Variants in ARHGEF28 observed in about 807,000 individuals in gnomAD.
ARHGEF28 encodes the protein Rho guanine nucleotide exchange factor 28, also known as 190 kDa guanine nucleotide exchange factor.
Under a neutral mutation model 206.6 loss-of-function variants are expected in ARHGEF28, and 152 were observed. That is an observed-to-expected ratio of 0.74 (90% CI 0.64 to 0.84). ARHGEF28 has a LOEUF of 0.84. Ranked by LOEUF, ARHGEF28 falls within the 40% of genes least tolerant of loss-of-function variation. The pLI, the probability that ARHGEF28 is intolerant of heterozygous loss-of-function variation, is 0.00. For synonymous variants in ARHGEF28, 763 were observed against 776.4 expected (o/e 0.98, Z 0.29); for missense variants, 2,028 against 2,073.2 (o/e 0.98, Z 0.42).
intron 13 of ARHGEF28, among the ~76,000 whole-genome samples, chr5:73,851,922 T>G (rs1012270763): frequency 6.6e-6 from 1 of 152,204 alleles, no homozygotes; most frequent in Non-Finnish European, 1.5e-5. Flanking sequence ...TTCACTGTTC[T>G]GGATTGTGAG....
chr5:73,674,345 T>A (rs1429885371), intron 1 of ARHGEF28, among the ~76,000 whole-genome samples: 1 of 152,144 alleles, frequency 6.6e-6, no homozygotes, highest in Non-Finnish European at 1.5e-5. Flanking sequence ...ACAGAGAACA[T>A]GGGATGGGAT....
At chr5:73,760,469 C>T (rs1247508914) in intron 4 of ARHGEF28, among the ~76,000 whole-genome samples, 4 of 152,110 alleles carry the variant, frequency 2.6e-5, no homozygotes, top group Non-Finnish European at 5.9e-5. Flanking sequence ...ATGGGACAAA[C>T]ATCTCTACAC....
chr5:73,675,262 C>T (rs1746581584), intron 1 of ARHGEF28, among the ~76,000 whole-genome samples: 1 of 152,104 alleles, frequency 6.6e-6, no homozygotes, highest in Admixed American at 6.5e-5. Flanking sequence ...TTCCCCATCC[C>T]CCTGCTGAAG....
At chr5:73,651,920 C>T (rs1744859558) in intron 1 of ARHGEF28, among the ~76,000 whole-genome samples, 1 of 152,200 alleles carries the variant, frequency 6.6e-6, no homozygotes, top group South Asian at 2.1e-4. Flanking sequence ...ATCCTAGGCC[C>T]AGCTACCATG....
At chr5:73,894,359 G>A (rs1350905145) in intron 28 of ARHGEF28, 34 bp from the exon 29 acceptor site, 5 of 1,546,010 alleles carry the variant, frequency 3.2e-6, no homozygotes, top group Admixed American at 3.8e-5. Flanking sequence ...ATTCATGTTA[G>A]TGATAATCTT....
At chr5:73,822,389 C>T (rs1756652856) in intron 9 of ARHGEF28, among the ~76,000 whole-genome samples, 1 of 152,132 alleles carries the variant, frequency 6.6e-6, no homozygotes, top group South Asian at 2.1e-4. Context: ...ACAGAGGTTC[C>T]CTGGGTTCTC....
intron 2 of ARHGEF28, among the ~76,000 whole-genome samples, chr5:73,722,756 G>A (rs1053308168): frequency 5.3e-5 from 8 of 152,064 alleles, no homozygotes; most frequent in Non-Finnish European, 8.8e-5. Flanking sequence ...AATTTCAGAG[G>A]CAATGAAGAT....
chr5:73,655,884 T>C (rs1745164972), intron 1 of ARHGEF28, among the ~76,000 whole-genome samples: 1 of 152,188 alleles, frequency 6.6e-6, no homozygotes, highest in Non-Finnish European at 1.5e-5. Flanking sequence ...GGGAAGAGTT[T>C]GGGGGCGGTT....
At chr5:73,783,345 A>AGTATGT (rs1366459213) in intron 7 of ARHGEF28, among the ~76,000 whole-genome samples, 1 of 145,812 alleles carries the variant, frequency 6.9e-6, no homozygotes, top group Admixed American at 6.8e-5. Context: ...CCTGGAATAT[A>AGTATGT]GTGTGTGTGT....
At chr5:73,745,414 T>G (rs1751669890) in intron 2 of ARHGEF28, among the ~76,000 whole-genome samples, 1 of 152,092 alleles carries the variant, frequency 6.6e-6, no homozygotes, top group Admixed American at 6.6e-5. Context: ...TGAGATAGTT[T>G]AAGGTGGCAA....
intron 30 of ARHGEF28, 68 bp from the exon 31 acceptor site, chr5:73,901,116 A>G: frequency 7.7e-7 from 1 of 1,303,770 alleles, no homozygotes; most frequent in Non-Finnish European, 1.1e-6. Context: ...CGTGTACAGA[A>G]GAACCCGGTG....
intron 7 of ARHGEF28, among the ~76,000 whole-genome samples, chr5:73,791,811 G>GT (rs1754500590): frequency 6.6e-6 from 1 of 152,094 alleles, no homozygotes; most frequent in Non-Finnish European, 1.5e-5. Flanking sequence ...ATCAAGTTTG[G>GT]CAAGTCTGAT....
rs1491528449 is a variant in ARHGEF28, at chr5:73,641,403, GCT to G, written c.-12+15082_-12+15083del. Among the ~76,000 whole-genome samples, 71 of 145,566 alleles carry G rather than the reference GCT, an allele frequency of 4.9e-4. 1 individual carries two copies. The highest frequency in any genetic ancestry group is 8.9e-4 in the African/African-American group (35 of 39,470). ...ATGAAAAAATAATGGCAGGGGAAAG[GCT>G]TTTTTTTTTTTTTTTGGCTCATTTC... is the stretch of plus-strand genomic sequence containing the variant. On this transcript the variant is annotated intron_variant, in intron 1 of 35. Coordinates refer to ENST00000513042, the MANE Select transcript of ARHGEF28 (RefSeq NM_001177693.2).
intron 1 of ARHGEF28, among the ~76,000 whole-genome samples, chr5:73,680,274 A>G (rs1746987531): frequency 6.6e-6 from 1 of 151,780 alleles, no homozygotes; most frequent in African/African-American, 2.4e-5. Context: ...ATCTGTACTA[A>G]TAATACAAAA....
At chr5:73,885,776 G>T in intron 24 of ARHGEF28, 74 bp from the exon 25 acceptor site, 1 of 1,412,300 alleles carries the variant, frequency 7.1e-7, no homozygotes, top group Admixed American at 2.6e-5. Context: ...TAAAACTAAA[G>T]AAGAAGTTTT....
chr5:73,686,349 G>A (rs917493102), intron 2 of ARHGEF28, among the ~76,000 whole-genome samples: 19 of 151,896 alleles, frequency 1.3e-4, no homozygotes, highest in East Asian at 3.9e-4. Flanking sequence ...AAGCCTAATC[G>A]TGATAGAAGC....
chr5:73,748,539 T>A (rs1033675665), intron 2 of ARHGEF28, among the ~76,000 whole-genome samples: 1 of 152,246 alleles, frequency 6.6e-6, no homozygotes, highest in South Asian at 2.1e-4. Flanking sequence ...TAACTCTTAG[T>A]GTCCTGTGAA....
chr5:73,753,247 G>A (rs752361875), intron 4 of ARHGEF28, 45 bp downstream of exon 4: 4 of 1,500,636 alleles, frequency 2.7e-6, no homozygotes, highest in African/African-American at 2.8e-5. Context: ...TGTGTGTCAA[G>A]TTCAGAATGT....
chr5:73,650,378 G>T (rs752794874), intron 1 of ARHGEF28, among the ~76,000 whole-genome samples: 1 of 146,416 alleles, frequency 6.8e-6, no homozygotes, highest in Non-Finnish European at 1.5e-5. Flanking sequence ...TCCGCCTCTT[G>T]GGTTCAAGTG....
Sources: allele counts gnomAD v4.1 joint callset (sites outside exome capture counted in the v4.1 genomes callset), GRCh38; gene constraint gnomAD v4.1.1; transcripts MANE v1.5; gene names NCBI Gene and HGNC (gene_info 2026-07-23, HGNC 2026-07-21).